CHRDL1: variants seen among roughly 807,000 people sequenced by gnomAD.
The protein encoded by CHRDL1 is chordin like 1, also known as chordin-like protein 1.
CHRDL1 carries 19 observed loss-of-function variants against 40.9 expected under a neutral mutation model. That is an observed-to-expected ratio of 0.46 (90% CI 0.32 to 0.68). CHRDL1 has a LOEUF of 0.68. Among genes scored for constraint, CHRDL1 ranks in the 30% least tolerant of loss-of-function variants. The pLI is 0.03. For missense variants in CHRDL1, 329 were observed against 352.1 expected, an observed-to-expected ratio of 0.93 and a Z score of 0.53; for synonymous variants, 136 against 123.4, an observed-to-expected ratio of 1.10 and a Z score of -0.68.
intron 4 of CHRDL1, among the ~76,000 whole-genome samples, chrX:110,736,733 T>G (rs1336691400): frequency 9.0e-6 from 1 of 111,255 alleles, no homozygotes; most frequent in Non-Finnish European, 1.9e-5. Flanking sequence ...TGCAAACAAT[T>G]TAGAGGCAAA....
rs751902084 is a variant in CHRDL1 at position 110,744,516 on chromosome X, C to G, written c.301+15145G>C. Among the ~76,000 whole-genome samples, 4 of 111,500 alleles carry G rather than the reference C, an allele frequency of 3.6e-5. No individual in the cohort carries two copies. In the South Asian group the frequency reaches 1.5e-3, roughly 43 times the overall value. On this transcript the variant is annotated intron_variant, in intron 4 of 11. Coordinates refer to ENST00000372042, the MANE Select transcript of CHRDL1 (RefSeq NM_001143981.2). ...AGATCAGCTGATCTGGGCCTCAAGA[C>G]AGGTCCACGTCATTTGTAAAACAAC...
chrX:110,741,402 C>A lies in CHRDL1; in HGVS notation c.301+18259G>T, dbSNP rs773859886. Among the ~76,000 whole-genome samples the A allele has an allele frequency of 5.4e-5, 6 of 111,583 alleles. No homozygotes were observed. In the East Asian group the frequency reaches 1.7e-3, roughly 32 times the overall value. On this transcript the variant is annotated intron_variant, in intron 4 of 11. Transcript: ENST00000372042. ...GTGGAAAGTTGCTTAAGTGCTTGCT[C>A]AAAATGATTCACTGCCTGGAGAGTC...
intron 9 of CHRDL1, among the ~76,000 whole-genome samples, chrX:110,688,074 G>T (rs766158389): frequency 1.8e-5 from 2 of 110,726 alleles, no homozygotes; most frequent in African/African-American, 6.6e-5. Context: ...GTGTTAGAAG[G>T]GAGCTTAGAG....
chrX:110,754,304 TGTTA>T lies in CHRDL1; in HGVS notation c.301+5353_301+5356del, dbSNP rs1472843346. 1.2e-4 allele frequency among the ~76,000 whole-genome samples: 14 copies of T among 112,587 alleles called. No individual in the cohort carries two copies. The Admixed American group carries it at 1.3e-3, about 11-fold the overall frequency. ...AAATGTAAGATGCCTTTTTAAACTG[TGTTA>T]GTATTTCATTAGTATAGTTGCTTTG... On this transcript the variant is annotated intron_variant, in intron 4 of 11. Transcript: ENST00000372042.
chrX:110,780,657 C>T (rs916464776), intron 2 of CHRDL1, among the ~76,000 whole-genome samples: 4 of 111,342 alleles, frequency 3.6e-5, no homozygotes, highest in Admixed American at 1.9e-4. Flanking sequence ...CTTTCAAATT[C>T]TTGATTTACA....
chrX:110,693,515 C>T (rs1226230601), intron 8 of CHRDL1, among the ~76,000 whole-genome samples: 21 of 101,028 alleles, frequency 2.1e-4, no homozygotes, highest in Admixed American at 9.2e-4. Flanking sequence ...CCATACTTGG[C>T]TAATATTTTT....
At chrX:110,747,313 G>T (rs766152943) in intron 4 of CHRDL1, among the ~76,000 whole-genome samples, 14 of 107,861 alleles carry the variant, frequency 1.3e-4, no homozygotes, top group Non-Finnish European at 2.5e-4. Context: ...CCACTTAGAG[G>T]ACAAGGAGCA....
At chrX:110,746,879 C>T (rs772251187) in intron 4 of CHRDL1, among the ~76,000 whole-genome samples, 1 of 111,765 alleles carries the variant, frequency 8.9e-6, no homozygotes, top group African/African-American at 3.3e-5. Flanking sequence ...TTTCCCATAT[C>T]AACTTTCTTG....
At chrX:110,694,092 C>T in intron 8 of CHRDL1, 71 bp downstream of exon 8, 2 of 883,454 alleles carry the variant, frequency 2.3e-6, no homozygotes, top group Non-Finnish European at 3.2e-6. Context: ...CCTTTCCCAG[C>T]TCCAGCCCTG....
chrX:110,721,738 C>T (rs1269608224), intron 4 of CHRDL1, among the ~76,000 whole-genome samples: 2 of 112,054 alleles, frequency 1.8e-5, no homozygotes, highest in East Asian at 2.8e-4. Context: ...TCCATCCATC[C>T]GTCCATCCAT....
At chrX:110,723,253 AAAAC>A (rs948093517) in intron 4 of CHRDL1, among the ~76,000 whole-genome samples, 33 of 111,553 alleles carry the variant, frequency 3.0e-4, no homozygotes, top group African/African-American at 8.5e-4. Flanking sequence ...TCCATCTCAA[AAAAC>A]AAACAAACAG....
intron 6 of CHRDL1, among the ~76,000 whole-genome samples, chrX:110,711,300 T>A (rs1424263778): frequency 9.0e-6 from 1 of 111,717 alleles, no homozygotes; most frequent in Non-Finnish European, 1.9e-5. Context: ...TAATTTTTTT[T>A]ATTTTATTGT....
intron 4 of CHRDL1, among the ~76,000 whole-genome samples, chrX:110,730,832 G>A (rs2071146034): frequency 1.8e-5 from 2 of 111,939 alleles, no homozygotes; most frequent in African/African-American, 6.5e-5. Context: ...TGATTGGTTT[G>A]ACTTTCATCT....
At chrX:110,681,670 G>C (rs1032413517) in intron 9 of CHRDL1, 21 bp from the exon 10 acceptor site, 6 of 1,162,691 alleles carry the variant, frequency 5.2e-6, no homozygotes, top group Non-Finnish European at 7.0e-6. Flanking sequence ...GAAGCAAGTA[G>C]AATTTTGTCA....
intron 4 of CHRDL1, among the ~76,000 whole-genome samples, chrX:110,735,203 C>T (rs915863226): frequency 3.6e-5 from 4 of 111,570 alleles, no homozygotes; most frequent in Non-Finnish European, 7.5e-5. Flanking sequence ...CACTACTAGT[C>T]CACAAGATGC....
chrX:110,777,034 G>A (rs893398053), intron 2 of CHRDL1, among the ~76,000 whole-genome samples: 1 of 111,097 alleles, frequency 9.0e-6, no homozygotes, highest in Non-Finnish European at 1.9e-5. Context: ...GTCAACCACC[G>A]ATCTCTTCAT....
intron 4 of CHRDL1, among the ~76,000 whole-genome samples, chrX:110,747,528 C>T (rs955127074): frequency 9.0e-6 from 1 of 111,643 alleles, no homozygotes; most frequent in African/African-American, 3.3e-5. Flanking sequence ...GAATCCTATG[C>T]TTGGTTGTAA....
chrX:110,738,302 A>G (rs1378306195), intron 4 of CHRDL1, among the ~76,000 whole-genome samples: 2 of 111,777 alleles, frequency 1.8e-5, no homozygotes, highest in Non-Finnish European at 3.8e-5. Flanking sequence ...ACTGCTCAGG[A>G]AGTCACGATA....
chrX:110,743,435 T>C, intron 4 of CHRDL1, among the ~76,000 whole-genome samples: 1 of 112,253 alleles, frequency 8.9e-6, no homozygotes, highest in Non-Finnish European at 1.9e-5. Flanking sequence ...TATCCAGTCC[T>C]GCCTTAAAAA....
Sources: gnomAD v4.1 joint callset for allele counts (sites outside exome capture counted in the v4.1 genomes callset) on GRCh38, gnomAD v4.1.1 for gene constraint, MANE v1.5 for transcripts, NCBI Gene and HGNC (gene_info 2026-07-23, HGNC 2026-07-21) for gene names.